RIMS2: variants seen among roughly 807,000 people sequenced by gnomAD.
RIMS2 encodes regulating synaptic membrane exocytosis protein 2.
In RIMS2, 59 loss-of-function variants were observed where a neutral mutation model predicts 174.4. The ratio of observed to expected loss-of-function variants is 0.34; its 90% confidence interval spans 0.27 to 0.42. The LOEUF is 0.42. Ranked by LOEUF, RIMS2 falls within the 10% of genes least tolerant of loss-of-function variation. The pLI, the probability that RIMS2 is intolerant of heterozygous loss-of-function variation, is 1.00. For synonymous variants in RIMS2, 606 were observed against 572.5 expected, an observed-to-expected ratio of 1.06 and a Z score of -0.84; for missense variants, 1,620 against 1,666.3, an observed-to-expected ratio of 0.97 and a Z score of 0.48.
intron 17 of RIMS2, 21 bp from the exon 20 acceptor site, chr8:104,013,421 G>T (rs776291412): frequency 1.2e-6 from 2 of 1,610,622 alleles, no homozygotes; most frequent in East Asian, 2.2e-5. Flanking sequence ...CAACTGAGCT[G>T]CTTTTTGACT....
chr8:103,773,546 A>G (rs927357138), intron 3 of RIMS2, among the ~76,000 whole-genome samples: 1 of 152,198 alleles, frequency 6.6e-6, no homozygotes, highest in Non-Finnish European at 1.5e-5. Flanking sequence ...CCTGACCAAC[A>G]TGGAGAAAAC....
chr8:103,826,910 C>A (rs976606769), intron 3 of RIMS2, among the ~76,000 whole-genome samples: 1 of 151,496 alleles, frequency 6.6e-6, no homozygotes, highest in African/African-American at 2.4e-5. Flanking sequence ...TTCAGGCTAT[C>A]TGCTATACTT....
intron 3 of RIMS2, among the ~76,000 whole-genome samples, chr8:103,820,421 A>T (rs1447783516): frequency 6.6e-6 from 1 of 152,024 alleles, no homozygotes; most frequent in East Asian, 1.9e-4. Flanking sequence ...TGAGAAAGAA[A>T]TTCTGTGAAC....
intron 19 of RIMS2, among the ~76,000 whole-genome samples, chr8:104,148,071 A>T (rs2133950783): frequency 6.6e-6 from 1 of 152,298 alleles, no homozygotes; most frequent in South Asian, 2.1e-4. Flanking sequence ...AGCTAATGAA[A>T]ATAGCAAGCC....
chr8:104,103,355 A>G (rs2097948116), intron 19 of RIMS2, among the ~76,000 whole-genome samples: 1 of 152,208 alleles, frequency 6.6e-6, no homozygotes, highest in Non-Finnish European at 1.5e-5. Flanking sequence ...ACTGAATCAT[A>G]TACTTTAAAA....
At chr8:103,733,800 G>A (rs2097644567) in intron 2 of RIMS2, among the ~76,000 whole-genome samples, 1 of 152,140 alleles carries the variant, frequency 6.6e-6, no homozygotes, top group Non-Finnish European at 1.5e-5. Flanking sequence ...GACTTGGGGA[G>A]GGGTGGTGTA....
chr8:103,912,967 G>GTT (rs1168616954), intron 6 of RIMS2, among the ~76,000 whole-genome samples: 18 of 107,190 alleles, frequency 1.7e-4, no homozygotes, highest in Admixed American at 3.5e-4. Flanking sequence ...AACTTTTTTT[G>GTT]TTGTTTTTTT....
chr8:103,901,436 A>G (rs2099327399), intron 4 of RIMS2, among the ~76,000 whole-genome samples: 1 of 152,162 alleles, frequency 6.6e-6, no homozygotes, highest in Non-Finnish European at 1.5e-5. Flanking sequence ...CTTTCTTTAG[A>G]GCATTGTTAC....
intron 19 of RIMS2, among the ~76,000 whole-genome samples, chr8:104,128,761 C>T (rs1489445281): frequency 6.6e-6 from 1 of 152,156 alleles, no homozygotes; most frequent in Non-Finnish European, 1.5e-5. Flanking sequence ...ATTTGTTTAA[C>T]TCCCAGCTGT....
intron 17 of RIMS2, among the ~76,000 whole-genome samples, chr8:103,994,561 AG>A (rs1419673777): frequency 6.6e-6 from 1 of 152,158 alleles, no homozygotes; most frequent in African/African-American, 2.4e-5. Flanking sequence ...TAATTTTGGA[AG>A]AAAAGTAAGC....
At chr8:103,688,395 T>C (rs2096968759) in intron 1 of RIMS2, among the ~76,000 whole-genome samples, 1 of 152,144 alleles carries the variant, frequency 6.6e-6, no homozygotes, top group Non-Finnish European at 1.5e-5. Flanking sequence ...GTGTATCACA[T>C]TGATAGAATT....
At chr8:103,518,195 A>G (rs1451985558) in intron 1 of RIMS2, among the ~76,000 whole-genome samples, 2 of 152,162 alleles carry the variant, frequency 1.3e-5, no homozygotes, top group African/African-American at 4.8e-5. Flanking sequence ...TAAGAGATTG[A>G]CACTTTATAA....
At chr8:103,726,037 T>A (rs1260216889) in intron 2 of RIMS2, among the ~76,000 whole-genome samples, 2 of 152,350 alleles carry the variant, frequency 1.3e-5, no homozygotes, top group East Asian at 1.9e-4. Flanking sequence ...CTTACAGATG[T>A]TCTCACTCTA....
chr8:103,652,143 A>AT, intron 1 of RIMS2, 62 bp from the exon 2 acceptor site: 2 of 930,186 alleles, frequency 2.2e-6, no homozygotes, highest in South Asian at 1.5e-5. Flanking sequence ...ATGAACACAA[A>AT]TTTGTAAATA....
chr8:103,664,798 A>G (rs1263147638), intron 1 of RIMS2, among the ~76,000 whole-genome samples: 2 of 152,248 alleles, frequency 1.3e-5, no homozygotes, highest in Admixed American at 6.5e-5. Context: ...AGGATTATAA[A>G]TCATGCTATT....
At chr8:103,631,754 C>T (rs910711531) in intron 1 of RIMS2, among the ~76,000 whole-genome samples, 7 of 152,190 alleles carry the variant, frequency 4.6e-5, no homozygotes. Context: ...TTCTTCCTAT[C>T]CATGAACATG....
At chr8:104,170,840 G>A (rs1300326470) in intron 19 of RIMS2, among the ~76,000 whole-genome samples, 4 of 151,898 alleles carry the variant, frequency 2.6e-5, no homozygotes, top group Non-Finnish European at 2.9e-5. Context: ...ATTTCTTGTC[G>A]TGCTAGTTTG....
intron 1 of RIMS2, among the ~76,000 whole-genome samples, chr8:103,606,632 G>A (rs547440537): frequency 6.6e-6 from 1 of 152,264 alleles, no homozygotes; most frequent in South Asian, 2.1e-4. Context: ...ATGTGTGGGA[G>A]TCTAAGTCTC....
At chr8:103,730,944 T>C (rs758051655) in intron 2 of RIMS2, among the ~76,000 whole-genome samples, 7 of 152,104 alleles carry the variant, frequency 4.6e-5, no homozygotes, top group Non-Finnish European at 8.8e-5. Context: ...TCCACGTGGG[T>C]GGGAGGCCTC....
Sources: gnomAD v4.1 joint callset for allele counts (sites outside exome capture counted in the v4.1 genomes callset) on GRCh38, gnomAD v4.1.1 for gene constraint, MANE v1.5 for transcripts, NCBI Gene and HGNC (gene_info 2026-07-23, HGNC 2026-07-21) for gene names.